AGBL3: variants seen among roughly 807,000 people sequenced by gnomAD.
AGBL3 encodes the protein cytosolic carboxypeptidase 3.
A neutral mutation model predicts 94.5 loss-of-function variants in AGBL3; 68 were observed. That is an observed-to-expected ratio of 0.72 (90% CI 0.59 to 0.88). The LOEUF (loss-of-function observed/expected upper bound fraction) is 0.88. Ranked by LOEUF, AGBL3 falls within the 40% of genes least tolerant of loss-of-function variation. The probability of loss-of-function intolerance (pLI) is 0.00; values close to 1 mark genes in which losing one functional copy is unlikely to be tolerated. For missense variants in AGBL3, 934 were observed against 1,103.8 expected, an observed-to-expected ratio of 0.85 and a Z score of 2.18; for synonymous variants, 354 against 370.7, an observed-to-expected ratio of 0.95 and a Z score of 0.52.
chr7:135,066,937 G>A (rs903920992), intron 12 of AGBL3, among the ~76,000 whole-genome samples: 10 of 152,348 alleles, frequency 6.6e-5, no homozygotes, highest in South Asian at 2.1e-4. Flanking sequence ...GCAGGGCGAG[G>A]CATTGCCTCA....
chr7:135,110,383 G>A (rs573031614), intron 15 of AGBL3, among the ~76,000 whole-genome samples: 7 of 152,302 alleles, frequency 4.6e-5, no homozygotes, highest in South Asian at 4.1e-4. Flanking sequence ...TGGGAAACCC[G>A]AGTATCTAAA....
intron 16 of AGBL3, among the ~76,000 whole-genome samples, chr7:135,119,264 C>G (rs1826775737): frequency 6.6e-6 from 1 of 151,652 alleles, no homozygotes; most frequent in African/African-American, 2.4e-5. Context: ...AAGTCTTGCT[C>G]AGTTACCCAG....
At chr7:135,030,172 A>G (rs1287050304) in intron 5 of AGBL3, among the ~76,000 whole-genome samples, 1 of 151,350 alleles carries the variant, frequency 6.6e-6, no homozygotes, top group South Asian at 2.1e-4. Flanking sequence ...AAAAAAAAAA[A>G]AAAAGAAAGA....
chr7:135,045,776 G>A (rs1267710690), intron 10 of AGBL3, 23 bp from the exon 11 acceptor site: 4 of 1,465,116 alleles, frequency 2.7e-6, no homozygotes, highest in Non-Finnish European at 3.7e-6. Flanking sequence ...TTCATAATGA[G>A]CTCATTTATT....
chr7:135,024,932 T>G (rs1445152960), intron 5 of AGBL3, among the ~76,000 whole-genome samples: 3 of 134,176 alleles, frequency 2.2e-5, no homozygotes, highest in Non-Finnish European at 5.0e-5. Flanking sequence ...AAGAAATAAT[T>G]TTTTTAATGA....
At chr7:135,062,656 G>A (rs1563228382) in intron 12 of AGBL3, among the ~76,000 whole-genome samples, 1 of 152,052 alleles carries the variant, frequency 6.6e-6, no homozygotes, top group Non-Finnish European at 1.5e-5. Flanking sequence ...CTAATATGAT[G>A]TATCACATTT....
chr7:135,007,425 A>T (rs1296097241), intron 4 of AGBL3, among the ~76,000 whole-genome samples: 2 of 151,986 alleles, frequency 1.3e-5, no homozygotes, highest in African/African-American at 2.4e-5. Context: ...AGTAGAATTA[A>T]AAAGAAACAA....
chr7:135,018,496 T>A (rs1814066398), intron 5 of AGBL3, among the ~76,000 whole-genome samples: 1 of 152,144 alleles, frequency 6.6e-6, no homozygotes, highest in Non-Finnish European at 1.5e-5. Flanking sequence ...AGAATATCCA[T>A]CTCAATCAAC....
intron 15 of AGBL3, among the ~76,000 whole-genome samples, chr7:135,108,431 TC>T (rs1825098247): frequency 6.6e-6 from 1 of 152,208 alleles, no homozygotes; most frequent in Non-Finnish European, 1.5e-5. Flanking sequence ...CATTGGCTTA[TC>T]TAAAATGGAT....
At chr7:135,081,933 CCAAAA>C in intron 15 of AGBL3, 143 bp downstream of exon 15, 1 of 510,604 alleles carries the variant, frequency 2.0e-6, no homozygotes, top group Non-Finnish European at 3.4e-6. Context: ...CCAGTCAAAA[CCAAAA>C]CAAAAGAATA....
chr7:135,105,530 T>G (rs1333135877), intron 15 of AGBL3, among the ~76,000 whole-genome samples: 4 of 152,354 alleles, frequency 2.6e-5, no homozygotes, highest in Non-Finnish European at 1.5e-5. Context: ...TTGTAGAAGA[T>G]CAGATGGTTG....
intron 5 of AGBL3, among the ~76,000 whole-genome samples, chr7:135,020,609 CAT>C (rs1563189923): frequency 6.6e-6 from 1 of 152,084 alleles, no homozygotes; most frequent in Admixed American, 6.6e-5. Flanking sequence ...TACATGCACA[CAT>C]ATGTTTATTG....
intron 16 of AGBL3, among the ~76,000 whole-genome samples, chr7:135,125,948 G>T (rs1346885173): frequency 6.6e-6 from 1 of 152,110 alleles, no homozygotes; most frequent in Non-Finnish European, 1.5e-5. Context: ...TATTGAATAG[G>T]CAAAAGCTGG....
At chr7:135,023,708 T>C (rs955131013) in intron 5 of AGBL3, among the ~76,000 whole-genome samples, 1 of 152,150 alleles carries the variant, frequency 6.6e-6, no homozygotes. Flanking sequence ...GGGCTGACTA[T>C]CCTATCCCAT....
At chr7:135,076,169 A>T (rs1820428484) in intron 12 of AGBL3, among the ~76,000 whole-genome samples, 2 of 152,180 alleles carry the variant, frequency 1.3e-5, no homozygotes, top group Admixed American at 1.3e-4. Flanking sequence ...CAGTGAACTC[A>T]TCATCATGCC....
chr7:135,020,080 A>G (rs1814258808), intron 5 of AGBL3, among the ~76,000 whole-genome samples: 1 of 152,244 alleles, frequency 6.6e-6, no homozygotes, highest in African/African-American at 2.4e-5. Context: ...ATTAAACTAA[A>G]GAGCTTCTGT....
intron 15 of AGBL3, chr7:135,093,622 A>T (rs1054204468): frequency 2.6e-5 from 4 of 152,250 alleles, no homozygotes; most frequent in Admixed American, 2.6e-4. Flanking sequence ...AGCTTTAAAT[A>T]AATGGCAAGA....
At position 135,134,956 on chromosome 7, in the gene AGBL3, C is replaced by T; in HGVS notation, c.2458C>T (p.Gln820Ter). The change falls in exon 17 of 17, where the codon CAG (glutamine) becomes TAG (stop). Residue 820 changes from glutamine to a stop codon, truncating the protein, a stop_gained. Transcript: ENST00000436302. LOFTEE classifies it low-confidence loss of function (END_TRUNC). ...DVMANSSEWV[Q>*]SKPHRSLESL... ...TATGGCAAACTCTTCAGAATGGGTC[C>T]AGTCTAAGCCCCACAGGTCATTGGA... is the stretch of plus-strand genomic sequence containing the variant. The T allele has an allele frequency of 1.3e-6, 2 of 1,551,168 alleles. No individual in the cohort carries two copies. The highest frequency in any genetic ancestry group is 1.7e-6 in the Non-Finnish European group (2 of 1,146,662).
At chr7:135,075,054 A>G (rs1289746675) in intron 12 of AGBL3, among the ~76,000 whole-genome samples, 1 of 152,198 alleles carries the variant, frequency 6.6e-6, no homozygotes, top group African/African-American at 2.4e-5. Context: ...TAATTCAGAG[A>G]GATGCCAGGG....
Sources: gnomAD v4.1 joint callset for allele counts (sites outside exome capture counted in the v4.1 genomes callset) on GRCh38, gnomAD v4.1.1 for gene constraint, MANE v1.5 for transcripts, NCBI Gene and HGNC (gene_info 2026-07-23, HGNC 2026-07-21) for gene names.